Variants in BACH2 observed in about 807,000 individuals in gnomAD.
BACH2 encodes the protein BACH transcriptional regulator 2, also known as transcription regulator protein BACH2.
A neutral mutation model predicts 61.8 loss-of-function variants in BACH2; 5 were observed. The ratio of observed to expected loss-of-function variants is 0.08; its 90% CI spans 0.04 to 0.17. The LOEUF is 0.17. Among genes scored for constraint, BACH2 ranks in the 10% least tolerant of loss-of-function variants. The pLI is 1.00. For synonymous variants in BACH2, 446 were observed against 440.1 expected (o/e 1.01, Z -0.17); for missense variants, 824 against 1,091.1 (o/e 0.76, Z 3.45).
intron 1 of BACH2, among the ~76,000 whole-genome samples, chr6:90,294,157 TC>T (rs2127895151): frequency 6.6e-6 from 1 of 152,280 alleles, no homozygotes; most frequent in East Asian, 1.9e-4. Flanking sequence ...AGTGTGTGTC[TC>T]CATGTAATCC....
intron 7 of BACH2, among the ~76,000 whole-genome samples, chr6:89,948,460 G>A (rs1317904765): frequency 1.3e-5 from 2 of 151,910 alleles, no homozygotes; most frequent in East Asian, 3.9e-4. Context: ...CACCCACCTC[G>A]GCCTCCCAAA....
intron 6 of BACH2, among the ~76,000 whole-genome samples, chr6:89,979,476 T>C (rs566891164): frequency 5.7e-4 from 87 of 152,184 alleles, no homozygotes; most frequent in Non-Finnish European, 1.1e-3. Flanking sequence ...ATGACAAATA[T>C]GGAGAAGGTA....
intron 5 of BACH2, among the ~76,000 whole-genome samples, chr6:90,020,278 C>T (rs59642901): frequency 0.1 from 15,297 of 152,150 alleles, 825 homozygotes; most frequent in South Asian, 0.14. Context: ...TGTTTGTCCC[C>T]TATGAAAATC....
At chr6:90,257,165 T>C (rs1179781522) in intron 2 of BACH2, among the ~76,000 whole-genome samples, 2 of 152,208 alleles carry the variant, frequency 1.3e-5, no homozygotes, top group Non-Finnish European at 2.9e-5. Flanking sequence ...TTAGTTATTG[T>C]GAATCATGCT....
At chr6:89,969,344 C>T (rs889130495) in intron 6 of BACH2, among the ~76,000 whole-genome samples, 6 of 151,986 alleles carry the variant, frequency 3.9e-5, no homozygotes, top group South Asian at 2.1e-4. Context: ...TGTGAGCCAC[C>T]GTGCCCAGCA....
At chr6:90,225,120 C>G (rs564872053) in intron 3 of BACH2, among the ~76,000 whole-genome samples, 2 of 152,166 alleles carry the variant, frequency 1.3e-5, no homozygotes, top group South Asian at 2.1e-4. Flanking sequence ...CATGCTGGCT[C>G]ACACCTGTAA....
chr6:90,132,018 C>T (rs539094606), intron 4 of BACH2, among the ~76,000 whole-genome samples: 2 of 152,220 alleles, frequency 1.3e-5, no homozygotes, highest in South Asian at 2.1e-4. Flanking sequence ...GACATAACCA[C>T]ATCCAGGCTT....
At chr6:90,009,912 G>A (rs1777616405) in intron 5 of BACH2, among the ~76,000 whole-genome samples, 2 of 152,186 alleles carry the variant, frequency 1.3e-5, no homozygotes, top group South Asian at 4.1e-4. Flanking sequence ...TGATCCACCC[G>A]CCTCGGCCTC....
intron 1 of BACH2, among the ~76,000 whole-genome samples, chr6:90,292,433 A>G (rs1460549509): frequency 6.6e-6 from 1 of 152,236 alleles, no homozygotes; most frequent in Non-Finnish European, 1.5e-5. Context: ...CCATCTGGTC[A>G]GTAACAACTA....
At chr6:90,030,668 T>C (rs1778925082) in intron 5 of BACH2, among the ~76,000 whole-genome samples, 1 of 151,962 alleles carries the variant, frequency 6.6e-6, no homozygotes, top group African/African-American at 2.4e-5. Flanking sequence ...AAGTTGAATC[T>C]CTGAATAGAC....
intron 4 of BACH2, among the ~76,000 whole-genome samples, chr6:90,147,669 A>T (rs1274224651): frequency 6.6e-6 from 1 of 152,232 alleles, no homozygotes; most frequent in African/African-American, 2.4e-5. Flanking sequence ...TCAATTAGAA[A>T]AAAAAATTGT....
At chr6:90,116,422 T>C (rs1000908685) in intron 4 of BACH2, among the ~76,000 whole-genome samples, 2 of 152,216 alleles carry the variant, frequency 1.3e-5, no homozygotes, top group Non-Finnish European at 2.9e-5. Context: ...TGTTCTCACT[T>C]ATAAGTGGGA....
chr6:90,243,212 C>T (rs777370762), intron 3 of BACH2, among the ~76,000 whole-genome samples: 6 of 151,826 alleles, frequency 4.0e-5, no homozygotes, highest in Non-Finnish European at 8.8e-5. Context: ...CTGATTTCCA[C>T]AGCCTCAAAA....
At chr6:90,271,366 T>TAAAAAAAAAAAAAAAAAAAA (rs3073450) in intron 2 of BACH2, among the ~76,000 whole-genome samples, 3 of 103,882 alleles carry the variant, frequency 2.9e-5, no homozygotes, top group African/African-American at 1.2e-4. Context: ...CAACCCCATT[T>TAAAAAAAAAAAAAAAAAAAA]AAAAAAAAAA....
At chr6:89,949,005 G>A (rs192253483) in intron 7 of BACH2, among the ~76,000 whole-genome samples, 11 of 152,178 alleles carry the variant, frequency 7.2e-5, no homozygotes, top group African/African-American at 2.7e-4. Flanking sequence ...TGGCACAGGG[G>A]CCTTTGGCAT....
chr6:90,166,570 A>G (rs890154103), intron 4 of BACH2, among the ~76,000 whole-genome samples: 6 of 152,216 alleles, frequency 3.9e-5, no homozygotes, highest in Admixed American at 6.5e-5. Context: ...TACCCAAAGG[A>G]TTATAAATCA....
intron 1 of BACH2, among the ~76,000 whole-genome samples, chr6:90,274,913 T>C (rs1771644073): frequency 6.6e-6 from 1 of 152,142 alleles, no homozygotes; most frequent in African/African-American, 2.4e-5. Flanking sequence ...GAGGACCAAA[T>C]GGGGGTACCT....
At chr6:90,019,783 C>T (rs1218821849) in intron 5 of BACH2, among the ~76,000 whole-genome samples, 1 of 152,128 alleles carries the variant, frequency 6.6e-6, no homozygotes, top group Non-Finnish European at 1.5e-5. Context: ...AACTAGGACC[C>T]AAACCCCTGC....
At chr6:89,942,002 GC>G (rs1365816425) in intron 7 of BACH2, among the ~76,000 whole-genome samples, 1 of 152,100 alleles carries the variant, frequency 6.6e-6, no homozygotes, top group Non-Finnish European at 1.5e-5. Context: ...CAGCAGAGCT[GC>G]TGCAACACAA....
Sources: allele counts gnomAD v4.1 joint callset (sites outside exome capture counted in the v4.1 genomes callset), GRCh38; gene constraint gnomAD v4.1.1; transcripts MANE v1.5; gene names NCBI Gene and HGNC (gene_info 2026-07-23, HGNC 2026-07-21).